NBPF20: variants seen among roughly 807,000 people sequenced by gnomAD.
NBPF20 encodes the protein NBPF family member NBPF20.
NBPF20 carries 90 observed loss-of-function variants against 68.1 expected under a neutral mutation model. That is an observed-to-expected ratio of 1.32 (90% CI 1.11 to 1.58). The LOEUF is 1.58. Among genes scored for constraint, NBPF20 ranks in the 40% most tolerant of loss-of-function variants. The pLI is 0.00. For synonymous variants in NBPF20, 290 were observed against 228.1 expected (o/e 1.27, Z -2.45); for missense variants, 816 against 601.2 (o/e 1.36, Z -3.74).
At chr1:145,402,333 T>G in exon 4 of NBPF20, 1 of 1,604,258 alleles carries the variant, frequency 6.2e-7, no homozygotes, top group African/African-American at 1.3e-5. Flanking sequence ...ACTTCTCCCT[T>G]AACTGGGTCA....
intron 2 of NBPF20, among the ~76,000 whole-genome samples, chr1:145,404,493 G>C (rs587616988): frequency 5.3e-5 from 8 of 152,006 alleles, no homozygotes; most frequent in African/African-American, 1.9e-4. Flanking sequence ...TCCTGACCTC[G>C]TGCTCTGCCC....
At position 145,289,998 on chromosome 1, in the gene NBPF20, T is replaced by G. The variant is rs2101368452; in HGVS notation, c.*1528A>C. ...CTGAATGTAAAAAACAATCCAGAAG[T>G]CCAGAGTGATAGGCAAAAGGTTTTA... On this transcript the variant is annotated 3_prime_UTR_variant, in exon 138 of 138. Transcript: ENST00000369373. The G allele has an allele frequency of 6.8e-6, 1 of 145,990 alleles. No homozygotes were observed. Among genetic ancestry groups the G allele is most frequent in the East Asian group, 2.0e-4 (1 of 5,106 alleles). The allele number at this position is 145,990 out of a possible 1,614,324, so 9.0% of individuals were successfully genotyped here.
At chr1:145,423,612 A>C in the NBPF20 span, among the ~76,000 whole-genome samples, 3 of 152,214 alleles carry the variant, frequency 2.0e-5, no homozygotes, top group African/African-American at 7.2e-5. Flanking sequence ...ATATCAATGA[A>C]AACTGGATAA....
At chr1:145,424,681 G>A in the NBPF20 span, among the ~76,000 whole-genome samples, 1 of 152,186 alleles carries the variant, frequency 6.6e-6, no homozygotes, top group African/African-American at 2.4e-5. Context: ...GAGAAAGGAC[G>A]CCAAATGAGA....
In NBPF20 at chr1:145,403,270, C is replaced by T. The variant is rs1553665945; in HGVS notation, c.224G>A (p.Arg75Gln). Residue 75 changes from arginine to glutamine, a missense_variant, in exon 3 of 138, where the codon CGA (arginine) becomes CAA (glutamine). Transcript: ENST00000369373. ...TGCAAGCTTCTCCTCCTTGAACTGTCGCTCATTCCTCAGCATAGATTTTAT... is the reference window on the plus strand; with the variant it reads ...TGCAAGCTTCTCCTCCTTGAACTGTTGCTCATTCCTCAGCATAGATTTTAT... The T allele has an allele frequency of 7.8e-5, 126 of 1,611,490 alleles. No individual in the cohort carries two copies. In the East Asian group the frequency reaches 1.4e-3, roughly 18 times the overall value.
intron 61 of NBPF20, among the ~76,000 whole-genome samples, chr1:145,352,363 G>C (rs1250854083): frequency 1.1e-4 from 8 of 69,618 alleles, no homozygotes; most frequent in African/African-American, 4.5e-4. Context: ...AACGAGCTCA[G>C]TGAATTGTCC....
At chr1:145,393,433 A>G (rs1345537870) in intron 9 of NBPF20, among the ~76,000 whole-genome samples, 187 bp from the exon 15 acceptor site, 1 of 145,660 alleles carries the variant, frequency 6.9e-6, no homozygotes, top group Non-Finnish European at 1.5e-5. Flanking sequence ...TGAAAGAGAG[A>G]GACACACACT....
chr1:145,291,650 C>T lies in NBPF20; in HGVS notation c.16817G>A (p.Ser5606Asn), dbSNP rs587608389. 2.1e-5 allele frequency: 34 copies of T among 1,611,960 alleles called. No individual in the cohort carries two copies. In the Middle Eastern group the frequency reaches 1.4e-3, roughly 64 times the overall value. ...CTGTTCCTCAAATGAGTAAAACACA[C>T]TTCTGTAGTGCTGGAATGAGTCAGG... Residue 5606 changes from serine to asparagine, a missense_variant, in exon 138 of 138, where the codon AGT becomes AAT. Physicochemically the swap from Ser to Asn is conservative, Grantham distance 46. Coordinates refer to ENST00000369373, the Ensembl canonical transcript of NBPF20.
At chr1:145,410,818 A>ATG in the NBPF20 span, among the ~76,000 whole-genome samples, 2 of 9,178 alleles carry the variant, frequency 2.2e-4, no homozygotes, top group African/African-American at 4.1e-4. Flanking sequence ...ATATATACGT[A>ATG]TATATATATA....
At chr1:145,419,314 T>C in the NBPF20 span, among the ~76,000 whole-genome samples, 3 of 152,132 alleles carry the variant, frequency 2.0e-5, no homozygotes, top group Non-Finnish European at 4.4e-5. Context: ...CCACCAGTAT[T>C]TTCCATTAAC....
intron 13 of NBPF20, among the ~76,000 whole-genome samples, chr1:145,390,319 C>A (rs1661940045): frequency 1.6e-5 from 1 of 64,238 alleles, no homozygotes; most frequent in Non-Finnish European, 2.6e-5. Context: ...GATAGACACA[C>A]ACACACACAC....
At chr1:145,377,595 C>A (rs1196177578) in intron 29 of NBPF20, among the ~76,000 whole-genome samples, 157 bp from the exon 35 acceptor site, 2 of 139,172 alleles carry the variant, frequency 1.4e-5, no homozygotes, top group Non-Finnish European at 1.6e-5. Flanking sequence ...TGGCATAGAC[C>A]AGGGCCAGGT....
At chr1:145,292,090 T>C (rs587616297) in intron 137 of NBPF20, among the ~76,000 whole-genome samples, 1 of 149,608 alleles carries the variant, frequency 6.7e-6, no homozygotes, top group Non-Finnish European at 1.5e-5. Flanking sequence ...CAAACTGTGA[T>C]CATGAAAAGA....
At chr1:145,412,135 C>T in the NBPF20 span, among the ~76,000 whole-genome samples, 9 of 150,084 alleles carry the variant, frequency 6.0e-5, no homozygotes, top group Admixed American at 6.0e-4. Context: ...GCACAGAAGG[C>T]AGACCCATCC....
At chr1:145,372,263 A>G (rs1661757252) in intron 36 of NBPF20, among the ~76,000 whole-genome samples, 1 of 125,710 alleles carries the variant, frequency 8.0e-6, no homozygotes, top group Non-Finnish European at 1.6e-5. Flanking sequence ...GCCTGGGTCC[A>G]ATGTGCTGAG....
chr1:145,400,501 G>A (rs1662470076), exon 6 of NBPF20: 8 of 1,612,860 alleles, frequency 5.0e-6, no homozygotes, highest in African/African-American at 1.3e-5. Context: ...GTGGCTGGTT[G>A]GAGTCATAAG....
chr1:145,424,952 G>T, the NBPF20 span, among the ~76,000 whole-genome samples: 1 of 152,170 alleles, frequency 6.6e-6, no homozygotes, highest in African/African-American at 2.4e-5. Flanking sequence ...CCCCAACTTT[G>T]CAACCCAGGG....
At chr1:145,424,451 C>T in the NBPF20 span, among the ~76,000 whole-genome samples, 2 of 152,202 alleles carry the variant, frequency 1.3e-5, no homozygotes, top group African/African-American at 4.8e-5. Context: ...GCTACTAACA[C>T]ATATCAGCTC....
chr1:145,405,214 A>G, exon 2 of NBPF20: 1 of 1,611,374 alleles, frequency 6.2e-7, no homozygotes, highest in Non-Finnish European at 8.5e-7. Context: ...TTTCTCGTTG[A>G]TTTCTAGAAT....
Sources: gnomAD v4.1 joint callset for allele counts (sites outside exome capture counted in the v4.1 genomes callset) on GRCh38, gnomAD v4.1.1 for gene constraint, MANE v1.5 for transcripts, NCBI Gene and HGNC (gene_info 2026-07-23, HGNC 2026-07-21) for gene names.